The following LIPA variants were observed in gnomAD, a reference collection of about 807,000 sequenced individuals.
LIPA encodes lipase A, lysosomal acid type, also known as lysosomal acid lipase/cholesteryl ester hydrolase.
LIPA carries 26 observed loss-of-function variants against 40.6 expected under a neutral mutation model. The ratio of observed to expected loss-of-function variants is 0.64; its 90% confidence interval spans 0.47 to 0.89. The LOEUF (loss-of-function observed/expected upper bound fraction) is 0.89, where lower values mean the gene tolerates loss of function less well. Ranked by LOEUF, LIPA falls within the 40% of genes least tolerant of loss-of-function variation. The probability of loss-of-function intolerance (pLI) is 0.00; values close to 1 mark genes in which losing one functional copy is unlikely to be tolerated. For missense variants in LIPA, 455 were observed against 479.6 expected (o/e 0.95, Z 0.48); for synonymous variants, 188 against 168.4 (o/e 1.12, Z -0.90).
intron 1 of LIPA, among the ~76,000 whole-genome samples, chr10:89,332,236 T>C (rs543263444): frequency 1.3e-5 from 2 of 152,314 alleles, no homozygotes; most frequent in South Asian, 4.1e-4. Context: ...GCAACAGTCA[T>C]GCACCTGAGA....
At chr10:89,248,442 A>ATTTTATTTATT (rs1459065726) in intron 1 of LIPA, among the ~76,000 whole-genome samples, 7 of 136,400 alleles carry the variant, frequency 5.1e-5, no homozygotes, top group Non-Finnish European at 1.1e-4. Flanking sequence ...TTATTATTTT[A>ATTTTATTTATT]TATTTATTTA....
At chr10:89,276,520 T>C (rs1000107) in intron 1 of LIPA, among the ~76,000 whole-genome samples, 4,428 of 152,294 alleles carry the variant, frequency 0.029, 122 homozygotes, top group Admixed American at 0.092. Flanking sequence ...GATATCTTTA[T>C]GGATTAGAGG....
intron 2 of LIPA, among the ~76,000 whole-genome samples, chr10:89,386,284 T>C (rs1015488014): frequency 1.3e-5 from 2 of 152,190 alleles, no homozygotes; most frequent in Non-Finnish European, 1.5e-5. Context: ...CTTATGTTAC[T>C]TGGATCCTTG....
intron 1 of LIPA, among the ~76,000 whole-genome samples, chr10:89,287,507 G>A (rs1317139969): frequency 1.3e-5 from 2 of 151,982 alleles, no homozygotes; most frequent in Admixed American, 1.3e-4. Flanking sequence ...CTAAACTACA[G>A]CCACATCTCA....
At chr10:89,292,125 A>T (rs1439118694) in intron 1 of LIPA, 12 of 152,210 alleles carry the variant, frequency 7.9e-5, no homozygotes, top group Non-Finnish European at 1.0e-4. Flanking sequence ...TTACAGTGTC[A>T]TTTATGTTTT....
intron 3 of LIPA, among the ~76,000 whole-genome samples, chr10:89,231,289 A>G (rs1312974108): frequency 6.6e-6 from 1 of 152,162 alleles, no homozygotes; most frequent in Non-Finnish European, 1.5e-5. Flanking sequence ...TAGATTTGAT[A>G]ACTAGCAAAT....
At chr10:89,271,378 G>A (rs1843264881) in intron 1 of LIPA, among the ~76,000 whole-genome samples, 1 of 152,220 alleles carries the variant, frequency 6.6e-6, no homozygotes, top group African/African-American at 2.4e-5. Flanking sequence ...CAGAGTGATG[G>A]ATTTACATTG....
In LIPA at chr10:89,297,662, A is replaced by G. The variant is rs77394888; in HGVS notation, c.-2+44949T>C. On this transcript the variant is annotated intron_variant, in intron 1 of 5. Coordinates refer to the LIPA transcript ENST00000282673. ...AGAGCCTCCTGTTTGGGGCTGTGAGAAGTGACCCTACCCTTAGCAGCACCA... is the reference window on the plus strand; with the variant it reads ...AGAGCCTCCTGTTTGGGGCTGTGAGGAGTGACCCTACCCTTAGCAGCACCA... Among the ~76,000 whole-genome samples the G allele has an allele frequency of 2.6e-3, 392 of 152,322 alleles. 4 individuals carry two copies. Among genetic ancestry groups the G allele is most frequent in the African/African-American group, 9.2e-3 (382 of 41,566 alleles).
intron 1 of LIPA, among the ~76,000 whole-genome samples, chr10:89,299,698 G>A (rs757987121): frequency 5.3e-5 from 8 of 151,724 alleles, no homozygotes; most frequent in African/African-American, 7.3e-5. Context: ...CCAAGGAAAT[G>A]CAAATAAAAA....
intron 2 of LIPA, among the ~76,000 whole-genome samples, chr10:89,247,312 C>T (rs112200465): frequency 8.8e-4 from 118 of 133,732 alleles, no homozygotes; most frequent in Middle Eastern, 4.3e-3. Flanking sequence ...GCGGAGGTCG[C>T]AATGAGCCGA....
chr10:89,260,421 C>T (rs1843201556), intron 1 of LIPA, among the ~76,000 whole-genome samples: 1 of 152,230 alleles, frequency 6.6e-6, no homozygotes, highest in African/African-American at 2.4e-5. Context: ...GAACCTGAGG[C>T]TCAAAACAGG....
Position 89,228,231 on chromosome 10 carries a change from A to G in LIPA, c.397T>C (p.Ser133Pro), listed in dbSNP as rs1221489239. The G allele has an allele frequency of 1.2e-6, 2 of 1,614,090 alleles. No individual in the cohort carries two copies. Among genetic ancestry groups the G allele is most frequent in the South Asian group, 2.2e-5 (2 of 91,088 alleles). Residue 133 changes from serine to proline, a missense_variant, in exon 4 of 10, where the codon TCA (serine) becomes CCA (proline). Transcript: ENST00000336233. ...NTWSRKHKTLSVSQDEFWAFS... is the reference protein window; with the variant it reads ...NTWSRKHKTLPVSQDEFWAFS... ...GCCCAGAATTCATCCTGAGAAACTGAGAGTGTCTTATGTTTCCGAGACCAG... is the reference window on the plus strand; with the variant it reads ...GCCCAGAATTCATCCTGAGAAACTGGGAGTGTCTTATGTTTCCGAGACCAG...
rs71471123 is a variant in LIPA, at chr10:89,350,315, C to CT, written c.61+62475dup. Among the ~76,000 whole-genome samples the CT allele has an allele frequency of 2.4e-4, 36 of 148,476 alleles. 1 individual carries two copies. The highest frequency in any genetic ancestry group is 3.9e-4 in the African/African-American group (16 of 40,962). On this transcript the variant is annotated intron_variant, in intron 2 of 8. Coordinates refer to the LIPA transcript ENST00000371837. ...AGCCCTGAACAAAGAGTGAAGTTACCTTTTTTTTTAAGACGGAGTCTTGCT... is the reference window on the plus strand; with the variant it reads ...AGCCCTGAACAAAGAGTGAAGTTACCTTTTTTTTTTAAGACGGAGTCTTGCT...
chr10:89,365,416 TG>T (rs1360058922), intron 2 of LIPA, among the ~76,000 whole-genome samples: 11 of 152,364 alleles, frequency 7.2e-5, no homozygotes, highest in Non-Finnish European at 1.6e-4. Flanking sequence ...TTCACTCTGA[TG>T]GTAGTTTCTT....
intron 8 of LIPA, 115 bp from the exon 9 acceptor site, chr10:89,216,124 T>C (rs1842623411): frequency 1.3e-6 from 1 of 745,602 alleles, no homozygotes; most frequent in Non-Finnish European, 2.4e-6. Flanking sequence ...ATATCCAGAT[T>C]TACTCTTCAT....
intron 7 of LIPA, 46 bp downstream of exon 7, chr10:89,223,638 T>C (rs760708684): frequency 6.1e-6 from 9 of 1,466,574 alleles, no homozygotes; most frequent in Non-Finnish European, 7.6e-6. Context: ...AATAAGCACA[T>C]TCACAGATAA....
intron 2 of LIPA, among the ~76,000 whole-genome samples, chr10:89,373,334 C>CAAAAAAAAAAAAAAAAA (rs34479360): frequency 3.5e-4 from 22 of 63,150 alleles, no homozygotes; most frequent in African/African-American, 1.3e-3. Context: ...GACTCCCTCT[C>CAAAAAAAAAAAAAAAAA]AAAAAAAAAA....
intron 1 of LIPA, chr10:89,307,394 C>T (rs751397743): frequency 1.9e-6 from 3 of 1,554,642 alleles, no homozygotes; most frequent in Non-Finnish European, 2.6e-6. Context: ...GATGTGGTGC[C>T]CACTAGGCTA....
chr10:89,408,866 T>C lies in LIPA; in HGVS notation c.61+3925A>G, dbSNP rs1201597168. On this transcript the variant is annotated intron_variant, in intron 2 of 8. Coordinates refer to the LIPA transcript ENST00000371837. ...AATGACAGCCCAAGAAAGGGACAAA[T>C]TCCTTACTGGTCAGCAAGCCATCCC... 2.0e-5 allele frequency among the ~76,000 whole-genome samples: 3 copies of C among 152,142 alleles called. No individual in the cohort carries two copies. The East Asian group carries it at 5.8e-4, about 29-fold the overall frequency.
Sources: gnomAD v4.1 joint callset for allele counts (sites outside exome capture counted in the v4.1 genomes callset) on GRCh38, gnomAD v4.1.1 for gene constraint, MANE v1.5 for transcripts, NCBI Gene and HGNC (gene_info 2026-07-23, HGNC 2026-07-21) for gene names.